The following CPNE8 variants were observed in gnomAD, a reference collection of about 807,000 sequenced individuals.
The protein encoded by CPNE8 is copine 8.
CPNE8 carries 45 observed loss-of-function variants against 81.5 expected under a neutral mutation model. The observed-to-expected ratio is 0.55, with a 90% CI of 0.44 to 0.71. The LOEUF (loss-of-function observed/expected upper bound fraction) is 0.71, where lower values mean the gene tolerates loss of function less well. Among genes scored for constraint, CPNE8 ranks in the 30% least tolerant of loss-of-function variants. CPNE8 has a pLI of 0.00. For missense variants in CPNE8, 594 were observed against 672.1 expected (o/e 0.88, Z 1.28); for synonymous variants, 252 against 226.3 (o/e 1.11, Z -1.02).
intron 13 of CPNE8, among the ~76,000 whole-genome samples, chr12:38,709,126 T>C (rs35254764): frequency 0.33 from 50,406 of 152,082 alleles, 10,017 homozygotes; most frequent in Non-Finnish European, 0.45. Context: ...GCTTCTGCCT[T>C]GATTTACCAA....
intron 1 of CPNE8, among the ~76,000 whole-genome samples, chr12:38,879,182 G>A (rs903954214): frequency 2.0e-5 from 3 of 152,126 alleles, no homozygotes; most frequent in Non-Finnish European, 4.4e-5. Context: ...GCACACTGTG[G>A]TGGAGCCATA....
chr12:38,704,807 T>A (rs191992958), intron 13 of CPNE8, among the ~76,000 whole-genome samples: 1,838 of 136,598 alleles, frequency 0.013, 50 homozygotes, highest in South Asian at 0.045. Context: ...CTGAGGACCA[T>A]CTGTGTGTGT....
At chr12:38,662,343 G>A (rs1007453145) in intron 19 of CPNE8, among the ~76,000 whole-genome samples, 2 of 152,044 alleles carry the variant, frequency 1.3e-5, no homozygotes, top group Non-Finnish European at 2.9e-5. Context: ...ACCATCAGTG[G>A]CATTTCTTTA....
At chr12:38,668,746 A>C (rs1199340885) in intron 19 of CPNE8, among the ~76,000 whole-genome samples, 7 of 152,078 alleles carry the variant, frequency 4.6e-5, no homozygotes, top group African/African-American at 1.4e-4. Context: ...CATGTGTCTA[A>C]TTATGAAAAA....
chr12:38,785,679 C>T (rs1411938396), intron 6 of CPNE8, among the ~76,000 whole-genome samples: 1 of 152,146 alleles, frequency 6.6e-6, no homozygotes, highest in African/African-American at 2.4e-5. Flanking sequence ...ATAATTTACT[C>T]AAGCTCAGGT....
intron 19 of CPNE8, among the ~76,000 whole-genome samples, chr12:38,658,145 A>T (rs138506908): frequency 0.013 from 1,982 of 152,236 alleles, 30 homozygotes; most frequent in South Asian, 0.044. Context: ...GAAGCTAAAA[A>T]CCTTGAAAAA....
chr12:38,714,818 C>A (rs558554145), intron 13 of CPNE8, among the ~76,000 whole-genome samples: 2 of 151,928 alleles, frequency 1.3e-5, no homozygotes, highest in South Asian at 4.1e-4. Context: ...AACAAACTAA[C>A]AATCTGGTTT....
intron 14 of CPNE8, among the ~76,000 whole-genome samples, chr12:38,699,746 C>A (rs1939893146): frequency 6.6e-6 from 1 of 151,990 alleles, no homozygotes; most frequent in Non-Finnish European, 1.5e-5. Context: ...TCTGCGAGTG[C>A]AGGTAAATCT....
intron 16 of CPNE8, chr12:38,679,459 G>T: frequency 2.5e-6 from 1 of 395,394 alleles, no homozygotes; most frequent in Non-Finnish European, 3.4e-6. Flanking sequence ...ATAAATACAT[G>T]CTTGTATTAA....
In CPNE8 at chr12:38,902,417, AAAAG is replaced by A. The variant is rs368864805; in HGVS notation, c.98+3016_98+3019del. On this transcript the variant is annotated intron_variant, in intron 1 of 19. Coordinates refer to ENST00000331366, the MANE Select transcript of CPNE8 (RefSeq NM_153634.3). ...AGAGAAAGAAAGAAAGAAAGAAAGA[AAAAG>A]AAAGAAAGAAAGAAAGGAGAGAGAG... Among the ~76,000 whole-genome samples the A allele has an allele frequency of 2.3e-3, 169 of 72,892 alleles. 2 individuals carry two copies. The highest frequency in any genetic ancestry group is 0.017 in the Middle Eastern group (3 of 178). 47.8% of individuals were successfully genotyped at this position (72,892 alleles called of 152,430 possible).
At chr12:38,787,864 G>C (rs1443830529) in intron 6 of CPNE8, among the ~76,000 whole-genome samples, 1 of 148,304 alleles carries the variant, frequency 6.7e-6, no homozygotes, top group Non-Finnish European at 1.5e-5. Context: ...CAAATACCTA[G>C]ACATATACAA....
At chr12:38,724,477 C>T (rs934155832) in intron 12 of CPNE8, among the ~76,000 whole-genome samples, 1 of 152,168 alleles carries the variant, frequency 6.6e-6, no homozygotes, top group African/African-American at 2.4e-5. Context: ...ACGAGTCTTA[C>T]TTATTAAGTA....
rs765595982 is a variant in CPNE8 at position 38,675,759 on chromosome 12, T to C, written c.1390A>G (p.Met464Val). 1.0e-5 allele frequency: 16 copies of C among 1,604,604 alleles called. No individual in the cohort carries two copies. The highest frequency in any genetic ancestry group is 1.3e-5 in the Non-Finnish European group (15 of 1,171,876). The change falls in exon 18 of 20, where the codon ATG becomes GTG. Residue 464 changes from methionine to valine, a missense_variant. By Grantham distance (21) the Met-to-Val change is conservative (BLOSUM62 1). Transcript: ENST00000331366. ...ESIVNASKLP[M>V]SIIIVGVGPA... is the part of the protein sequence containing the mutation. Reference sequence around the variant, plus strand: ...CCAACACCTACTATAATTATTGACATTGGAAGTTTTGAGGCCTTCAAAGAG... The same window carrying C: ...CCAACACCTACTATAATTATTGACACTGGAAGTTTTGAGGCCTTCAAAGAG...
intron 6 of CPNE8, among the ~76,000 whole-genome samples, chr12:38,808,368 C>T (rs71463388): frequency 4.0e-5 from 6 of 151,760 alleles, no homozygotes; most frequent in African/African-American, 7.3e-5. Flanking sequence ...TGTCCAACAA[C>T]GATAGACTGG....
At chr12:38,832,942 C>T (rs1397142594) in intron 5 of CPNE8, among the ~76,000 whole-genome samples, 1 of 152,096 alleles carries the variant, frequency 6.6e-6, no homozygotes, top group Non-Finnish European at 1.5e-5. Flanking sequence ...CTAAATCCAA[C>T]CTCCGAGAGA....
chr12:38,883,913 A>G (rs561567166), intron 1 of CPNE8, among the ~76,000 whole-genome samples: 27 of 152,314 alleles, frequency 1.8e-4, no homozygotes, highest in Admixed American at 4.6e-4. Flanking sequence ...ATTTATATCC[A>G]TTACCTAAGG....
At chr12:38,679,657 G>T (rs1203925049) in intron 16 of CPNE8, 4 of 984,686 alleles carry the variant, frequency 4.1e-6, no homozygotes, top group East Asian at 2.3e-4. Context: ...AAAACCAGTT[G>T]TTGCTTCTTT....
intron 8 of CPNE8, among the ~76,000 whole-genome samples, chr12:38,762,834 G>C (rs1228857420): frequency 6.6e-6 from 1 of 152,152 alleles, no homozygotes; most frequent in Admixed American, 6.5e-5. Flanking sequence ...TGATGCATGA[G>C]AGAAAGGTGG....
chr12:38,893,713 A>G (rs1479064082), intron 1 of CPNE8, among the ~76,000 whole-genome samples: 1 of 152,212 alleles, frequency 6.6e-6, no homozygotes, highest in Non-Finnish European at 1.5e-5. Flanking sequence ...CCTTTGCAGT[A>G]ACAATACTAC....
Sources: allele counts gnomAD v4.1 joint callset (sites outside exome capture counted in the v4.1 genomes callset), GRCh38; gene constraint gnomAD v4.1.1; transcripts MANE v1.5; gene names NCBI Gene and HGNC (gene_info 2026-07-23, HGNC 2026-07-21).